Variants in CSMD1 observed in about 807,000 individuals in gnomAD.
CSMD1 encodes the protein CUB and Sushi multiple domains 1.
A neutral mutation model predicts 417.5 loss-of-function variants in CSMD1; 213 were observed. The observed-to-expected ratio is 0.51, with a 90% CI of 0.46 to 0.57. The LOEUF (loss-of-function observed/expected upper bound fraction) is 0.57, where lower values mean the gene tolerates loss of function less well. CSMD1 is among the 20% of genes least tolerant of loss of function. The pLI is 0.00. For synonymous variants in CSMD1, 2,862 were observed against 1,736.8 expected (o/e 1.65, Z -16.11); for missense variants, 6,923 against 4,529.7 (o/e 1.53, Z -15.17).
chr8:3,368,381 G>C (rs929722774), intron 19 of CSMD1, among the ~76,000 whole-genome samples: 1 of 152,076 alleles, frequency 6.6e-6, no homozygotes, highest in Non-Finnish European at 1.5e-5. Context: ...CTATCTCCTA[G>C]GCTGGAGTAC....
intron 7 of CSMD1, among the ~76,000 whole-genome samples, chr8:3,656,373 T>C (rs1345269920): frequency 2.0e-5 from 3 of 151,636 alleles, no homozygotes; most frequent in Admixed American, 1.3e-4. Context: ...ATTTGATAGA[T>C]GACACCTGCT....
intron 26 of CSMD1, among the ~76,000 whole-genome samples, chr8:3,244,466 A>T (rs1381932246): frequency 6.6e-6 from 1 of 152,184 alleles, no homozygotes; most frequent in Non-Finnish European, 1.5e-5. Flanking sequence ...AGTTTGCATA[A>T]GCAGTCTTTC....
chr8:4,336,450 G>A (rs578197303), intron 3 of CSMD1, among the ~76,000 whole-genome samples: 1 of 152,242 alleles, frequency 6.6e-6, no homozygotes, highest in Non-Finnish European at 1.5e-5. Flanking sequence ...GTCAGCATCT[G>A]TGCTATGTGT....
intron 3 of CSMD1, among the ~76,000 whole-genome samples, chr8:4,257,102 G>A (rs1033654728): frequency 2.6e-5 from 4 of 151,958 alleles, no homozygotes; most frequent in African/African-American, 4.8e-5. Flanking sequence ...TACCACACTC[G>A]CCATACTCTA....
intron 5 of CSMD1, among the ~76,000 whole-genome samples, chr8:3,908,944 G>GCTCCTTCACTACTGTT (rs1282443657): frequency 2.7e-4 from 41 of 152,174 alleles, no homozygotes; most frequent in African/African-American, 8.7e-4. Context: ...GGCAAACAGG[G>GCTCCTTCACTACTGTT]CTCCTTCACT....
chr8:4,152,985 A>T (rs997579393), intron 3 of CSMD1, among the ~76,000 whole-genome samples: 27 of 152,338 alleles, frequency 1.8e-4, no homozygotes, highest in African/African-American at 6.5e-4. Context: ...TGCTATGACA[A>T]GGTGAACAAA....
chr8:4,857,071 A>C (rs1801845078), intron 1 of CSMD1, among the ~76,000 whole-genome samples: 1 of 149,318 alleles, frequency 6.7e-6, no homozygotes, highest in African/African-American at 2.5e-5. Context: ...ACTATCTCTC[A>C]GACCACAGTG....
intron 3 of CSMD1, among the ~76,000 whole-genome samples, chr8:4,285,818 A>C (rs1039551835): frequency 6.6e-6 from 1 of 152,164 alleles, no homozygotes; most frequent in East Asian, 1.9e-4. Flanking sequence ...AATTTCACAG[A>C]AGATCATGTG....
chr8:3,566,031 T>A (rs1345717020), intron 10 of CSMD1, among the ~76,000 whole-genome samples: 1 of 152,174 alleles, frequency 6.6e-6, no homozygotes, highest in East Asian at 1.9e-4. Flanking sequence ...AAACATAAAC[T>A]CTTTGCCTGT....
chr8:4,013,690 T>C (rs542705935), intron 4 of CSMD1, among the ~76,000 whole-genome samples: 1 of 152,234 alleles, frequency 6.6e-6, no homozygotes, highest in Non-Finnish European at 1.5e-5. Context: ...TTTCTTGTTT[T>C]GTTCATATTG....
chr8:3,289,720 A>T (rs1803410778), intron 25 of CSMD1, among the ~76,000 whole-genome samples: 1 of 146,914 alleles, frequency 6.8e-6, no homozygotes, highest in Admixed American at 6.7e-5. Context: ...TAGATTCTGG[A>T]TATTAGCCCT....
chr8:3,716,555 C>A (rs1386126174), intron 6 of CSMD1, among the ~76,000 whole-genome samples: 1 of 152,168 alleles, frequency 6.6e-6, no homozygotes, highest in Non-Finnish European at 1.5e-5. Context: ...TCACTCTCGT[C>A]CCCGTCTTGG....
At chr8:3,928,781 C>CT (rs1563221202) in intron 5 of CSMD1, among the ~76,000 whole-genome samples, 14 of 139,806 alleles carry the variant, frequency 1.0e-4, no homozygotes, top group African/African-American at 3.7e-4. Flanking sequence ...CCACCCACCC[C>CT]GCCCACCCCC....
intron 3 of CSMD1, among the ~76,000 whole-genome samples, chr8:4,200,094 T>C (rs1563262063): frequency 6.6e-6 from 1 of 152,196 alleles, no homozygotes; most frequent in Non-Finnish European, 1.5e-5. Context: ...TTTTATGTAA[T>C]AAGTTATTTG....
intron 5 of CSMD1, among the ~76,000 whole-genome samples, chr8:3,958,623 G>A (rs933032559): frequency 6.6e-6 from 1 of 151,904 alleles, no homozygotes; most frequent in Non-Finnish European, 1.5e-5. Flanking sequence ...ATTTAAATGA[G>A]GTCCACCACA....
intron 2 of CSMD1, among the ~76,000 whole-genome samples, chr8:4,446,541 C>T (rs74560514): frequency 0.012 from 1,791 of 152,138 alleles, 21 homozygotes; most frequent in African/African-American, 0.041. Flanking sequence ...AATGAGACCC[C>T]GGTTCTGCTT....
intron 2 of CSMD1, among the ~76,000 whole-genome samples, chr8:4,447,413 G>C (rs1244271628): frequency 2.0e-5 from 3 of 152,196 alleles, no homozygotes; most frequent in Non-Finnish European, 2.9e-5. Context: ...GAAGCCTGAA[G>C]TGGATGGCAT....
intron 3 of CSMD1, among the ~76,000 whole-genome samples, chr8:4,335,502 C>T (rs527248822): frequency 2.6e-5 from 4 of 152,146 alleles, no homozygotes; most frequent in East Asian, 1.9e-4. Context: ...CCTGAACAAA[C>T]GAAGTCATCA....
At chr8:4,301,032 G>C (rs1175742570) in intron 3 of CSMD1, among the ~76,000 whole-genome samples, 1 of 152,078 alleles carries the variant, frequency 6.6e-6, no homozygotes, top group Non-Finnish European at 1.5e-5. Flanking sequence ...GATAAGATTA[G>C]GAAACAAAAA....
Sources: gnomAD v4.1 joint callset for allele counts (sites outside exome capture counted in the v4.1 genomes callset) on GRCh38, gnomAD v4.1.1 for gene constraint, MANE v1.5 for transcripts, NCBI Gene and HGNC (gene_info 2026-07-23, HGNC 2026-07-21) for gene names.